The following HELZ2 variants were observed in gnomAD, a reference collection of about 807,000 sequenced individuals.
HELZ2 encodes the protein helicase with zinc finger 2, also known as 3'-5' exoribonuclease HELZ2.
HELZ2 carries 143 observed loss-of-function variants against 208.8 expected under a neutral mutation model. The ratio of observed to expected loss-of-function variants is 0.68; its 90% CI spans 0.60 to 0.79. The LOEUF (loss-of-function observed/expected upper bound fraction) is 0.79, where lower values mean the gene tolerates loss of function less well. HELZ2 is among the 30% of genes least tolerant of loss of function. The probability of loss-of-function intolerance (pLI) is 0.00; values close to 1 mark genes in which losing one functional copy is unlikely to be tolerated. For synonymous variants in HELZ2, 1,705 were observed against 1,693.7 expected, an observed-to-expected ratio of 1.01 and a Z score of -0.16; for missense variants, 3,690 against 3,794.5, an observed-to-expected ratio of 0.97 and a Z score of 0.72.
In HELZ2 at chr20:63,562,282, A is replaced by G; in HGVS notation, c.6397+6T>C. 5 of 1,597,340 alleles carry G rather than the reference A, an allele frequency of 3.1e-6. No individual in the cohort carries two copies. Among genetic ancestry groups the G allele is most frequent in the Non-Finnish European group, 4.3e-6 (5 of 1,172,324 alleles). ...AGGGGAAGCTGGAGGGGTGGGGCAG[A>G]CCTACCTCTGCAGAGGGGCTGCGGG... On this transcript the variant is annotated splice_donor_region_variant and intron_variant, in intron 9 of 18. Transcript: ENST00000467148.
rs376581310 is a variant in HELZ2 at position 63,569,443 on chromosome 20, G to T, written c.793C>A (p.Gln265Lys). The T allele has an allele frequency of 9.9e-6, 16 of 1,609,142 alleles. No individual in the cohort carries two copies. In the African/African-American group the frequency reaches 2.1e-4, roughly 21 times the overall value. ...TGGCCCAGCTGCAGCCCCAGCTTTT[G>T]TAGCAGCACCGGCCGGCGGCCAAAG... Residue 265 changes from glutamine (Q) to lysine (K), a missense_variant, in exon 4 of 19, where the codon CAA becomes AAA. Transcript: ENST00000467148.
At position 63,562,710 on chromosome 20, in the gene HELZ2, C is replaced by T. The variant is rs548025444; in HGVS notation, c.6112G>A (p.Gly2038Ser). ...CCGTGGGCCACCCAGGTATACGTGC[C>T]GGGGTCAACATTCAGGCCAGGGCCG... The change falls in exon 8 of 19, where the codon GGC (glycine) becomes AGC (serine). Residue 2038 changes from glycine (G) to serine (S), a missense_variant. This residue lies in a region of HELZ2 where 2,564 missense variants were observed against 2,580.5 expected (regional missense o/e 0.99). Coordinates refer to ENST00000467148, the Ensembl canonical transcript of HELZ2. The T allele has an allele frequency of 8.1e-6, 13 of 1,600,384 alleles. No homozygotes were observed. In the South Asian group the frequency reaches 9.0e-5, roughly 11 times the overall value.
chr20:63,567,294 G>C, exon 6 of HELZ2: 1 of 1,610,080 alleles, frequency 6.2e-7, no homozygotes, highest in South Asian at 1.1e-5. Flanking sequence ...GCACGAGGCG[G>C]GTGCCGTGCG....
At chr20:63,563,784 C>T in exon 8 of HELZ2, 1 of 1,604,448 alleles carries the variant, frequency 6.2e-7, no homozygotes, top group Non-Finnish European at 8.5e-7. Flanking sequence ...AACACCACGT[C>T]CAGGTACCTG....
chr20:63,566,679 C>CGGGGATGAGCGCAGGG (rs1600979046), intron 6 of HELZ2, among the ~76,000 whole-genome samples, 165 bp downstream of exon 7: 1 of 151,594 alleles, frequency 6.6e-6, no homozygotes, highest in African/African-American at 2.4e-5. Flanking sequence ...CCACCAAGCT[C>CGGGGATGAGCGCAGGG]CAGACACCTC....
At chr20:63,563,938 G>C (rs773262100) in exon 8 of HELZ2, 1 of 1,594,194 alleles carries the variant, frequency 6.3e-7, no homozygotes, top group South Asian at 1.1e-5. Flanking sequence ...CCAGGAATGG[G>C]TGCATGTCGT....
intron 6 of HELZ2, 87 bp downstream of exon 7, chr20:63,566,757 G>A (rs2082963952): frequency 7.7e-7 from 1 of 1,293,072 alleles, no homozygotes; most frequent in Non-Finnish European, 1.1e-6. Context: ...TGGGGAAACT[G>A]AGGCGGGGGC....
exon 6 of HELZ2, chr20:63,567,358 T>A: frequency 6.2e-7 from 1 of 1,603,506 alleles, no homozygotes; most frequent in Non-Finnish European, 8.5e-7. Context: ...GGCCGCCTCA[T>A]CGATGAGAAT....
downstream of HELZ2, chr20:63,559,152 C>CTG: frequency 7.3e-7 from 1 of 1,370,076 alleles, no homozygotes. Flanking sequence ...GGCAGGCTGG[C>CTG]CCAGGCAGGC....
At chr20:63,564,252 T>A (rs748308464) in exon 8 of HELZ2, 1 of 1,611,786 alleles carries the variant, frequency 6.2e-7, no homozygotes, top group Non-Finnish European at 8.5e-7. Flanking sequence ...TCCTTCACCA[T>A]GATGTGGGCC....
In HELZ2 at chr20:63,562,507, G is replaced by A. The variant is rs759690558; in HGVS notation, c.6302+13C>T. The A allele has an allele frequency of 1.9e-6, 3 of 1,558,754 alleles. No homozygotes were observed. Among genetic ancestry groups the A allele is most frequent in the Admixed American group, 3.7e-5 (2 of 54,156 alleles). On this transcript the variant is annotated intron_variant, in intron 8 of 18. Transcript: ENST00000467148. ...GTCCCCCAGCCCAGCCTCTGCTGGTGGAAGCCACTCACAGATCAGGAAGCT... is the reference window on the plus strand; with the variant it reads ...GTCCCCCAGCCCAGCCTCTGCTGGTAGAAGCCACTCACAGATCAGGAAGCT...
chr20:63,561,044 A>G (rs2082879793), intron 14 of HELZ2, 38 bp downstream of exon 15: 1 of 1,598,588 alleles, frequency 6.3e-7, no homozygotes, highest in African/African-American at 1.3e-5. Context: ...TGTGCCAGGG[A>G]CGCCTGCTCA....
At chr20:63,560,676 G>T (rs201132546) in exon 16 of HELZ2, 67 of 1,608,886 alleles carry the variant, frequency 4.2e-5, no homozygotes, top group Non-Finnish European at 5.0e-5. Context: ...GCCACAGAGG[G>T]GAAGGCACAG....
chr20:63,563,253 G>A (rs775516541), exon 8 of HELZ2: 14 of 1,560,084 alleles, frequency 9.0e-6, no homozygotes, highest in South Asian at 7.0e-5. Flanking sequence ...ACCAGCTCCC[G>A]CCGCTGGGAC....
exon 1 of HELZ2, chr20:63,572,446 C>A: frequency 7.0e-7 from 1 of 1,430,094 alleles, no homozygotes; most frequent in Non-Finnish European, 9.2e-7. Context: ...GCTGCCCACG[C>A]CCCACAAACC....
exon 5 of HELZ2, chr20:63,568,973 A>G: frequency 6.2e-7 from 1 of 1,603,300 alleles, no homozygotes; most frequent in Non-Finnish European, 8.5e-7. Context: ...TGCCGTCTTC[A>G]GGAACACCTG....
Position 63,562,222 on chromosome 20 carries a change from C to A in HELZ2, c.6398-19G>T. 1 of 1,611,144 alleles carries A rather than the reference C, an allele frequency of 6.2e-7. No individual in the cohort carries two copies. Among genetic ancestry groups the A allele is most frequent in the Non-Finnish European group, 8.5e-7 (1 of 1,179,328 alleles). On this transcript the variant is annotated intron_variant, in intron 9 of 18. Coordinates refer to ENST00000467148, the Ensembl canonical transcript of HELZ2. ...GGGATCACTGAGAGGGGGCAGCCTCCCTGAGCACTCATGCAGGGTGGGGCT... is the reference window on the plus strand; with the variant it reads ...GGGATCACTGAGAGGGGGCAGCCTCACTGAGCACTCATGCAGGGTGGGGCT...
Position 63,561,249 on chromosome 20 carries a change from G to A in HELZ2, c.6979C>T (p.Arg2327Trp), listed in dbSNP as rs779566565. ...TCATGCCGGTCCAGCTCGAACTTCC[G>A]AGCCTCCCACAAGACCTTCTTGTAC... Residue 2327 changes from arginine to tryptophan, a missense_variant, in exon 14 of 19, where the codon CGG (arginine) becomes TGG (tryptophan). By Grantham distance (101) the Arg-to-Trp change is moderately radical (BLOSUM62 -3). This residue lies in a region of HELZ2 where 2,564 missense variants were observed against 2,580.5 expected (regional missense o/e 0.99). Transcript: ENST00000467148. The A allele has an allele frequency of 1.5e-5, 24 of 1,612,572 alleles. No individual in the cohort carries two copies. The East Asian group carries it at 2.0e-4, about 13-fold the overall frequency.
At chr20:63,559,932 C>G in exon 18 of HELZ2, 1 of 1,609,564 alleles carries the variant, frequency 6.2e-7, no homozygotes, top group Non-Finnish European at 8.5e-7. Context: ...CCTCACCGAT[C>G]AGGCAGAGCC....
Sources: allele counts gnomAD v4.1 joint callset (sites outside exome capture counted in the v4.1 genomes callset), GRCh38; gene constraint gnomAD v4.1.1; regional missense constraint gnomAD v4.1.1; transcripts MANE v1.5; gene names NCBI Gene and HGNC (gene_info 2026-07-23, HGNC 2026-07-21).